PAN2: variants seen among roughly 807,000 people sequenced by gnomAD.
The protein encoded by PAN2 is PAN2-PAN3 deadenylation complex catalytic subunit PAN2.
Under a neutral mutation model 133.3 loss-of-function variants are expected in PAN2, and 68 were observed. That is an observed-to-expected ratio of 0.51 (90% CI 0.42 to 0.62). The LOEUF (loss-of-function observed/expected upper bound fraction) is 0.62, where lower values mean the gene tolerates loss of function less well. PAN2 is among the 20% of genes least tolerant of loss of function. The probability of loss-of-function intolerance (pLI) is 0.00; values close to 1 mark genes in which losing one functional copy is unlikely to be tolerated. For missense variants in PAN2, 1,042 were observed against 1,500.5 expected (o/e 0.69, Z 5.05); for synonymous variants, 462 against 544.6 (o/e 0.85, Z 2.11).
chr12:56,328,673 G>T (rs779633761), intron 2 of PAN2, 32 bp from the exon 3 acceptor site: 2 of 1,597,610 alleles, frequency 1.3e-6, no homozygotes, highest in Non-Finnish European at 1.7e-6. Flanking sequence ...GAGACACTTA[G>T]AGTGGAGGGG....
At position 56,328,224 on chromosome 12, in the gene PAN2, C is replaced by T. The variant is rs201006885; in HGVS notation, c.573+14G>A. 6 of 1,586,370 alleles carry T rather than the reference C, an allele frequency of 3.8e-6. No homozygotes were observed. The highest frequency in any genetic ancestry group is 5.2e-6 in the Non-Finnish European group (6 of 1,163,938). On this transcript the variant is annotated intron_variant, in intron 4 of 25. Coordinates refer to ENST00000440411, the MANE Select transcript of PAN2 (RefSeq NM_014871.6). Reference sequence around the variant, plus strand: ...TCAGACCCCACATAGGTCTTTCTTGCCCCAAGCTTGTACCTTCTGAGTCTC... The same window carrying T: ...TCAGACCCCACATAGGTCTTTCTTGTCCCAAGCTTGTACCTTCTGAGTCTC...
chr12:56,325,290 G>A (rs781339212), intron 9 of PAN2, 45 bp downstream of exon 9: 1 of 1,610,774 alleles, frequency 6.2e-7, no homozygotes, highest in East Asian at 2.2e-5. Context: ...TTCCTTCCCA[G>A]GGTACCTTTC....
chr12:56,321,155 G>C (rs1874475187), intron 20 of PAN2, among the ~76,000 whole-genome samples: 2 of 151,742 alleles, frequency 1.3e-5, no homozygotes, highest in Non-Finnish European at 2.9e-5. Context: ...TGACCTCCTG[G>C]GCTCAAGTGA....
rs1874751226 is a variant in PAN2 at position 56,323,184 on chromosome 12, C to T, written c.2371G>A (p.Val791Met). 1 of 1,614,070 alleles carries T rather than the reference C, an allele frequency of 6.2e-7. No homozygotes were observed. The highest frequency in any genetic ancestry group is 1.1e-5 in the South Asian group (1 of 91,092). Reference protein sequence around the residue: ...DWKELGSPEGVLVCPSIEELK... With the variant: ...DWKELGSPEGMLVCPSIEELK... ...TCCTCAATGGAGGGACACACCAGCA[C>T]ACCCTCTGGACTCCCTAGTTCCTTC... The change falls in exon 17 of 26, where the codon GTG becomes ATG. Residue 791 changes from valine to methionine, a missense_variant. Physicochemically the swap from Val to Met is conservative, Grantham distance 21. Transcript: ENST00000440411.
rs759080302 is a variant in PAN2, at chr12:56,319,146, C to T, written c.3306G>A (p.Leu1102=). The change falls in exon 24 of 26, where the codon CTG becomes CTA. Residue 1102 remains leucine, a synonymous_variant. Coordinates refer to ENST00000440411, the MANE Select transcript of PAN2 (RefSeq NM_014871.6). The surrounding 1 kb of genome is among the most constrained non-coding windows in gnomAD (Gnocchi z 5.4). ...PKDQVLDTVY[L]FHMPRKRMIS... The stretch of plus-strand genomic sequence containing the variant: ...TCATTCGTTTTCGGGGCATATGGAA[C>T]AGGTAGACAGTGTCAAGGACTTGGT... 6 of 1,613,894 alleles carry T rather than the reference C, an allele frequency of 3.7e-6. No individual in the cohort carries two copies. The highest frequency in any genetic ancestry group is 3.3e-5 in the Admixed American group (2 of 59,990).
At position 56,319,989 on chromosome 12, in the gene PAN2, C is replaced by T. The variant is rs781732740; in HGVS notation, c.2821G>A (p.Ala941Thr). 7 of 1,614,138 alleles carry T rather than the reference C, an allele frequency of 4.3e-6. No individual in the cohort carries two copies. The highest frequency in any genetic ancestry group is 5.9e-6 in the Non-Finnish European group (7 of 1,180,016). ...KNPIEASVLLAEASLARKQRK... is the reference protein window; with the variant it reads ...KNPIEASVLLTEASLARKQRK... ...TGCTTCCGTGCCAGCGAGGCTTCAG[C>T]CAGCAAGACACTTGCCTCAATAGGG... Residue 941 changes from alanine to threonine, a missense_variant, in exon 21 of 26, where the codon GCT (alanine) becomes ACT (threonine). By Grantham distance (58) the Ala-to-Thr change is moderately conservative. Around this residue, in one of 3 missense-constraint regions of PAN2, gnomAD observed 908 missense variants for 1,223.5 expected, o/e 0.74. Coordinates refer to ENST00000440411, the MANE Select transcript of PAN2 (RefSeq NM_014871.6). This position sits in a 1 kb window ranked among gnomAD's most constrained non-coding sequence, Gnocchi z 5.4.
chr12:56,324,631 G>A lies in PAN2; in HGVS notation c.1678C>T (p.Leu560=). Residue 560 remains leucine, a synonymous_variant, in exon 11 of 26, where the codon CTG becomes TTG. Coordinates refer to ENST00000440411, the MANE Select transcript of PAN2 (RefSeq NM_014871.6). ...CQKEFCLACE[L]GFLFHMLDLS... ...TCCAACATGTGAAACAGGAAGCCCA[G>A]CTCACATGCCAGACAGAACTCCTTC... The A allele has an allele frequency of 1.2e-6, 2 of 1,614,230 alleles. No individual in the cohort carries two copies. The highest frequency in any genetic ancestry group is 2.2e-5 in the East Asian group (1 of 44,894).
In PAN2 at chr12:56,319,899, C is replaced by A; in HGVS notation, c.2911G>T (p.Val971Leu). 6.2e-7 allele frequency: 1 copy of A among 1,614,244 alleles called. No homozygotes were observed. Among genetic ancestry groups the A allele is most frequent in the Non-Finnish European group, 8.5e-7 (1 of 1,180,042 alleles). Residue 971 changes from valine (V) to leucine (L), a missense_variant, in exon 21 of 26, where the codon GTG becomes TTG. Physicochemically the swap from Val to Leu is conservative, Grantham distance 32. Transcript: ENST00000440411. The surrounding 1 kb of genome is among the most constrained non-coding windows in gnomAD (Gnocchi z 5.4). ...GTGACAAACTCAGCATCCAGACCCA[C>A]CAGGTCCCCAATCTGTGGCATCTCA... Reference protein sequence around the residue: ...LNEMPQIGDLVGLDAEFVTLN... With the variant: ...LNEMPQIGDLLGLDAEFVTLN...
Position 56,319,041 on chromosome 12 carries a change from G to C in PAN2, c.3364+47C>G. The C allele has an allele frequency of 5.8e-6, 9 of 1,560,258 alleles. No individual in the cohort carries two copies. Among genetic ancestry groups the C allele is most frequent in the Non-Finnish European group, 8.0e-6 (9 of 1,131,928 alleles). On this transcript the variant is annotated intron_variant, in intron 24 of 25. Coordinates refer to ENST00000440411, the MANE Select transcript of PAN2 (RefSeq NM_014871.6). The surrounding 1 kb of genome is among the most constrained non-coding windows in gnomAD (Gnocchi z 5.4). Reference sequence around the variant, plus strand: ...ATGATTTCTTTTTTTTTAAATGGCTGCTTCTGCTATTAATGTAGCAGGGGC... The same window carrying C: ...ATGATTTCTTTTTTTTTAAATGGCTCCTTCTGCTATTAATGTAGCAGGGGC...
Position 56,326,335 on chromosome 12 carries a change from G to A in PAN2, c.1337C>T (p.Pro446Leu). The change falls in exon 8 of 26, where the codon CCC becomes CTC. Residue 446 changes from proline (P) to leucine (L), a missense_variant. Coordinates refer to ENST00000440411, the MANE Select transcript of PAN2 (RefSeq NM_014871.6). Reference protein sequence around the residue: ...KVGFIGYAPNPRTRLRNQIPY... With the variant: ...KVGFIGYAPNLRTRLRNQIPY... ...CACCTGATTGCGCAGCCTGGTGCGG[G>A]GATTGGGCGCATAGCCAATGAAGCC... 6.2e-7 allele frequency: 1 copy of A among 1,604,476 alleles called. No individual in the cohort carries two copies. The highest frequency in any genetic ancestry group is 8.5e-7 in the Non-Finnish European group (1 of 1,173,234).
intron 1 of PAN2, 63 bp downstream of exon 1, chr12:56,333,799 A>G (rs1160722365): frequency 6.6e-6 from 1 of 152,496 alleles, no homozygotes; most frequent in Admixed American, 6.5e-5. Context: ...GGCAGCGGTG[A>G]GGAGGGGGAT....
chr12:56,331,700 G>GTTTT (rs67869491), intron 2 of PAN2, among the ~76,000 whole-genome samples: 7 of 125,334 alleles, frequency 5.6e-5, no homozygotes, highest in Middle Eastern at 4.1e-3. Context: ...GAAGGACAGC[G>GTTTT]TTTTTTTTTT....
intron 8 of PAN2, among the ~76,000 whole-genome samples, 176 bp from the exon 9 acceptor site, chr12:56,325,630 G>A (rs1875030682): frequency 6.6e-6 from 1 of 152,196 alleles, no homozygotes; most frequent in African/African-American, 2.4e-5. Context: ...CAGCACAGAT[G>A]GACAACTGTG....
In PAN2 at chr12:56,328,658, C is replaced by A. The variant is rs750155685; in HGVS notation, c.283-17G>T. On this transcript the variant is annotated splice_polypyrimidine_tract_variant and intron_variant, in intron 2 of 25. Transcript: ENST00000440411. ...GGCATGGCCCTATAGAGGACAAAGA[C>A]AACAGAGACACTTAGAGTGGAGGGG... 1 of 1,611,862 alleles carries A rather than the reference C, an allele frequency of 6.2e-7. No individual in the cohort carries two copies. The highest frequency in any genetic ancestry group is 8.5e-7 in the Non-Finnish European group (1 of 1,178,548).
intron 8 of PAN2, 34 bp downstream of exon 8, chr12:56,326,279 C>CGGG (rs1875116297): frequency 6.5e-7 from 1 of 1,529,086 alleles, no homozygotes; most frequent in African/African-American, 1.4e-5. Context: ...TTCAGTGGGC[C>CGGG]GGGGTCGGGG....
intron 14 of PAN2, 67 bp downstream of exon 14, chr12:56,323,740 A>C (rs543425995): frequency 1.4e-6 from 2 of 1,447,640 alleles, no homozygotes; most frequent in Admixed American, 3.4e-5. Flanking sequence ...AGCCAGCCCC[A>C]CATGGGATAG....
chr12:56,322,881 C>G, intron 17 of PAN2, 123 bp from the exon 18 acceptor site: 1 of 1,264,166 alleles, frequency 7.9e-7, no homozygotes, highest in Non-Finnish European at 1.1e-6. Context: ...TATCTCCATC[C>G]TAGCCCATCT....
intron 24 of PAN2, 183 bp from the exon 25 acceptor site, chr12:56,318,617 CACTA>C (rs1423640257): frequency 8.5e-6 from 5 of 587,430 alleles, no homozygotes; most frequent in Non-Finnish European, 1.5e-5. Context: ...TAACTGTCAC[CACTA>C]ACTGAGGGTC....
chr12:56,318,064 G>A (rs1874105130), intron 25 of PAN2, among the ~76,000 whole-genome samples, 173 bp downstream of exon 25: 1 of 152,114 alleles, frequency 6.6e-6, no homozygotes, highest in African/African-American at 2.4e-5. Context: ...GTTGTCCCAG[G>A]TACTTGGGAG....
Sources: allele counts gnomAD v4.1 joint callset (sites outside exome capture counted in the v4.1 genomes callset), GRCh38; gene constraint gnomAD v4.1.1; regional missense constraint gnomAD v4.1.1; non-coding constraint Gnocchi (gnomAD v3.1); transcripts MANE v1.5; gene names NCBI Gene and HGNC (gene_info 2026-07-23, HGNC 2026-07-21).